Variants in TSPAN18 observed in about 807,000 individuals in gnomAD.
TSPAN18 encodes tetraspanin 18.
In TSPAN18, 14 loss-of-function variants were observed where a neutral mutation model predicts 27.3. That is an observed-to-expected ratio of 0.51 (90% CI 0.34 to 0.80). The LOEUF (loss-of-function observed/expected upper bound fraction) is 0.80, where lower values mean the gene tolerates loss of function less well. TSPAN18 is among the 30% of genes least tolerant of loss of function. The probability of loss-of-function intolerance (pLI) is 0.01; values close to 1 mark genes in which losing one functional copy is unlikely to be tolerated. For synonymous variants in TSPAN18, 143 were observed against 136.5 expected (o/e 1.05, Z -0.33); for missense variants, 268 against 323.9 (o/e 0.83, Z 1.32).
chr11:44,758,736 AG>A (rs1366598292), intron 1 of TSPAN18, among the ~76,000 whole-genome samples: 2 of 152,192 alleles, frequency 1.3e-5, no homozygotes, highest in African/African-American at 4.8e-5. Flanking sequence ...CACACTTTGC[AG>A]GTGGATATCC....
intron 2 of TSPAN18, among the ~76,000 whole-genome samples, chr11:44,794,309 TTG>T (rs147284858): frequency 4.0e-5 from 6 of 151,226 alleles, no homozygotes; most frequent in South Asian, 2.1e-4. Context: ...ACATGTGTGG[TTG>T]TGTGTGTGTG....
In TSPAN18 at chr11:44,845,205, C is replaced by T. The variant is rs146999854; in HGVS notation, c.-152-15123C>T. ...AGTCCTGCATTTGGGCATTCAAAGT[C>T]GAATGAGTAAGACATACAAGTCAAC... is the stretch of plus-strand genomic sequence containing the variant. On this transcript the variant is annotated intron_variant, in intron 2 of 9. Transcript: ENST00000520358. Among the ~76,000 whole-genome samples, 213 of 152,206 alleles carry T rather than the reference C, an allele frequency of 1.4e-3. 2 individuals are homozygous for T. The highest frequency in any genetic ancestry group is 4.6e-3 in the African/African-American group (191 of 41,524).
At chr11:44,736,609 G>A (rs1854801192) in intron 1 of TSPAN18, 1 of 152,190 alleles carries the variant, frequency 6.6e-6, no homozygotes, top group South Asian at 2.1e-4. Flanking sequence ...ATGACTCTCA[G>A]CTCCAGAGCC....
intron 3 of TSPAN18, among the ~76,000 whole-genome samples, chr11:44,873,897 CA>C (rs1252261977): frequency 2.0e-5 from 3 of 152,188 alleles, no homozygotes; most frequent in Non-Finnish European, 4.4e-5. Flanking sequence ...ATTGGCCCCT[CA>C]GGGGGCTTAT....
At chr11:44,862,140 C>T (rs11038180) in intron 3 of TSPAN18, among the ~76,000 whole-genome samples, 2 of 152,200 alleles carry the variant, frequency 1.3e-5, no homozygotes, top group South Asian at 2.1e-4. Flanking sequence ...CTTAGAGGGA[C>T]AGGGGAGCAG....
chr11:44,796,086 C>T (rs139498833), intron 2 of TSPAN18, among the ~76,000 whole-genome samples: 262 of 152,228 alleles, frequency 1.7e-3, no homozygotes, highest in African/African-American at 5.9e-3. Context: ...CTCATTTGCC[C>T]CAGTGTTCAG....
intron 1 of TSPAN18, among the ~76,000 whole-genome samples, chr11:44,762,968 C>T (rs982426995): frequency 1.3e-5 from 2 of 152,168 alleles, no homozygotes; most frequent in Non-Finnish European, 2.9e-5. Flanking sequence ...ATCCCTCCCA[C>T]TGTGGAGATG....
At chr11:44,885,443 C>T (rs1362770288) in intron 3 of TSPAN18, among the ~76,000 whole-genome samples, 2 of 152,132 alleles carry the variant, frequency 1.3e-5, no homozygotes, top group African/African-American at 2.4e-5. Context: ...GGATTGCCAG[C>T]GTCCTTCCGG....
intron 2 of TSPAN18, among the ~76,000 whole-genome samples, chr11:44,818,421 C>G (rs901721763): frequency 2.6e-5 from 4 of 152,220 alleles, no homozygotes; most frequent in Non-Finnish European, 4.4e-5. Flanking sequence ...GCTCAGCACC[C>G]CAGCTGTCCA....
At chr11:44,885,096 T>A (rs192716887) in intron 3 of TSPAN18, among the ~76,000 whole-genome samples, 1 of 152,330 alleles carries the variant, frequency 6.6e-6, no homozygotes, top group East Asian at 1.9e-4. Context: ...GGATACAATA[T>A]GGCGCCAAAT....
chr11:44,847,850 T>TC (rs58413492), intron 2 of TSPAN18, among the ~76,000 whole-genome samples: 27 of 152,072 alleles, frequency 1.8e-4, no homozygotes, highest in African/African-American at 6.3e-4. Flanking sequence ...TTTTTTTTTT[T>TC]CCCAATGGAG....
At chr11:44,851,204 A>T (rs1306466764) in intron 2 of TSPAN18, among the ~76,000 whole-genome samples, 1 of 152,222 alleles carries the variant, frequency 6.6e-6, no homozygotes, top group Non-Finnish European at 1.5e-5. Flanking sequence ...CAGCCTGAGC[A>T]GTGGGCCAGC....
chr11:44,857,496 C>T (rs971157275), intron 2 of TSPAN18, among the ~76,000 whole-genome samples: 1 of 152,256 alleles, frequency 6.6e-6, no homozygotes, highest in South Asian at 2.1e-4. Context: ...CACCAGACTT[C>T]ATCTACAGGA....
intron 3 of TSPAN18, among the ~76,000 whole-genome samples, chr11:44,881,023 G>A (rs1858475295): frequency 6.6e-6 from 1 of 152,228 alleles, no homozygotes. Context: ...AGTAATGTTG[G>A]GCAGTTGTTA....
At chr11:44,838,573 C>A (rs115601878) in intron 2 of TSPAN18, among the ~76,000 whole-genome samples, 1 of 152,244 alleles carries the variant, frequency 6.6e-6, no homozygotes, top group South Asian at 2.1e-4. Flanking sequence ...AATCAAATCA[C>A]ACGGGTCCTT....
intron 2 of TSPAN18, among the ~76,000 whole-genome samples, chr11:44,778,939 C>G (rs915549040): frequency 2.6e-5 from 4 of 152,150 alleles, no homozygotes; most frequent in Non-Finnish European, 5.9e-5. Context: ...GTCTTGGTCT[C>G]TGGGCCCACA....
At chr11:44,747,135 G>A (rs1855096865) in intron 1 of TSPAN18, among the ~76,000 whole-genome samples, 1 of 152,240 alleles carries the variant, frequency 6.6e-6, no homozygotes, top group Non-Finnish European at 1.5e-5. Context: ...TGGTCACAGC[G>A]CCAGGCCCTC....
At chr11:44,911,863 G>A (rs2135345285) in intron 5 of TSPAN18, among the ~76,000 whole-genome samples, 1 of 152,158 alleles carries the variant, frequency 6.6e-6, no homozygotes, top group African/African-American at 2.4e-5. Context: ...ATCCTCCCGA[G>A]AGAGGTGATC....
intron 2 of TSPAN18, among the ~76,000 whole-genome samples, chr11:44,780,279 G>T (rs980164929): frequency 1.3e-5 from 2 of 152,146 alleles, no homozygotes; most frequent in African/African-American, 4.8e-5. Flanking sequence ...CTCTGCTGTG[G>T]GCCTGCAGGA....
Sources: allele counts gnomAD v4.1 joint callset (sites outside exome capture counted in the v4.1 genomes callset), GRCh38; gene constraint gnomAD v4.1.1; transcripts MANE v1.5; gene names NCBI Gene and HGNC (gene_info 2026-07-23, HGNC 2026-07-21).